The following ZNF519 variants were observed in gnomAD, a reference collection of about 807,000 sequenced individuals.
ZNF519 encodes similar to Zinc finger protein 85 (Zinc finger protein HPF4) (HTF1).
In ZNF519, 7 loss-of-function variants were observed where a neutral mutation model predicts 7.4. The observed-to-expected ratio is 0.94, with a 90% confidence interval of 0.54 to 1.77. The LOEUF (loss-of-function observed/expected upper bound fraction) is 1.77. Ranked by LOEUF, ZNF519 falls within the 40% of genes most tolerant of loss-of-function variation. The probability of loss-of-function intolerance (pLI) is 0.00; values close to 1 mark genes in which losing one functional copy is unlikely to be tolerated. For synonymous variants in ZNF519, 179 were observed against 203.3 expected (o/e 0.88, Z 1.02); for missense variants, 586 against 623.1 (o/e 0.94, Z 0.63).
chr18:14,107,676 G>A (rs1483530208), intron 2 of ZNF519, among the ~76,000 whole-genome samples: 5 of 152,056 alleles, frequency 3.3e-5, no homozygotes, highest in South Asian at 2.1e-4. Context: ...CTGGACCTGC[G>A]CTGAGACAAA....
exon 5 of ZNF519, chr18:14,077,075 C>G (rs2046050525): frequency 6.6e-6 from 1 of 152,172 alleles, no homozygotes. Context: ...AATAAAGCAG[C>G]TGGGAAATTA....
intron 1 of ZNF519, among the ~76,000 whole-genome samples, chr18:14,130,979 C>T (rs1390990357): frequency 1.3e-5 from 2 of 152,102 alleles, no homozygotes; most frequent in Non-Finnish European, 2.9e-5. Flanking sequence ...TCAGTGTGTC[C>T]TCTGGAAGAT....
intron 3 of ZNF519, among the ~76,000 whole-genome samples, chr18:14,081,194 T>C (rs1598506822): frequency 6.6e-6 from 1 of 152,186 alleles, no homozygotes; most frequent in African/African-American, 2.4e-5. Flanking sequence ...GACTCATCAA[T>C]TGTAAGAAAC....
chr18:14,113,516 A>G (rs2046231946), intron 2 of ZNF519, among the ~76,000 whole-genome samples: 1 of 152,182 alleles, frequency 6.6e-6, no homozygotes, highest in Non-Finnish European at 1.5e-5. Flanking sequence ...AGGCTGTGTC[A>G]TAGGTGTGCA....
rs934777798 is a variant in ZNF519 at position 14,100,168 on chromosome 18, T to C, written c.*4749A>G. On this transcript the variant is annotated 3_prime_UTR_variant, in exon 3 of 3. Coordinates refer to ENST00000590202, the MANE Select transcript of ZNF519 (RefSeq NM_145287.4). ...TAAAACAATGTGATATCAATACATA[T>C]CAGTCAGTATGGCTAAGAGGATTTG... 1 of 152,172 alleles carries C rather than the reference T, an allele frequency of 6.6e-6. No individual in the cohort carries two copies. Among genetic ancestry groups the C allele is most frequent in the African/African-American group, 2.4e-5 (1 of 41,420 alleles). 9.4% of individuals were successfully genotyped at this position (152,172 alleles called of 1,614,324 possible). A position where few individuals can be genotyped will look rare whatever the true frequency, so the allele number is the denominator to read the frequency against.
In ZNF519 at chr18:14,106,429, C is replaced by T. The variant is rs749127098; in HGVS notation, c.131-20G>A. On this transcript the variant is annotated intron_variant, in intron 2 of 2. Transcript: ENST00000590202. ...ACACAGCTGAAAGAAGTAAAAATAA[C>T]TAATTATTCTACATACTGATTTCAG... 3.3e-6 allele frequency: 5 copies of T among 1,537,810 alleles called. No individual in the cohort carries two copies. The South Asian group carries it at 5.1e-5, about 16-fold the overall frequency.
intron 2 of ZNF519, among the ~76,000 whole-genome samples, chr18:14,117,264 C>A (rs1034548470): frequency 2.6e-5 from 4 of 152,044 alleles, no homozygotes; most frequent in African/African-American, 7.2e-5. Context: ...ACATGATTAA[C>A]AAATGGACAA....
At chr18:14,110,872 A>G (rs1186457861) in intron 2 of ZNF519, among the ~76,000 whole-genome samples, 1 of 152,166 alleles carries the variant, frequency 6.6e-6, no homozygotes, top group African/African-American at 2.4e-5. Flanking sequence ...GTAATGTAAT[A>G]GACTTTGGGG....
At position 14,105,854 on chromosome 18, in the gene ZNF519, C is replaced by A. The variant is rs8094412; in HGVS notation, c.686G>T (p.Arg229Ile). Residue 229 changes from arginine to isoleucine, a missense_variant, in exon 3 of 3, where the codon AGA (arginine) becomes ATA (isoleucine). By Grantham distance (97) the Arg-to-Ile change is moderately conservative. Coordinates refer to ENST00000590202, the MANE Select transcript of ZNF519 (RefSeq NM_145287.4). Reference sequence around the variant, plus strand: ...TTGTGAGCTCTCTCCAATATAAATTCTTTGATGTTGAGTAAGCTTTGAGAA... The same window carrying A: ...TTGTGAGCTCTCTCCAATATAAATTATTTGATGTTGAGTAAGCTTTGAGAA... Reference protein sequence around the residue: ...DPFSKLTQHQRIYIGESSQRC... With the variant: ...DPFSKLTQHQIIYIGESSQRC... 234,895 of 1,601,260 alleles carry A rather than the reference C, an allele frequency of 0.15. 20,961 individuals are homozygous for A. The highest frequency in any genetic ancestry group is 0.47 in the East Asian group (21,000 of 44,754).
chr18:14,124,756 C>T (rs2143167272), intron 1 of ZNF519, among the ~76,000 whole-genome samples: 1 of 152,100 alleles, frequency 6.6e-6, no homozygotes, highest in African/African-American at 2.4e-5. Flanking sequence ...GTGAACTCAC[C>T]TCTCATTAAA....
In ZNF519 at chr18:14,105,644, T is replaced by G. The variant is rs1567947967; in HGVS notation, c.896A>C (p.Lys299Thr). 6.2e-7 allele frequency: 1 copy of G among 1,613,502 alleles called. No individual in the cohort carries two copies. ...AAGGTGTGAACTCTTGTTAAAGGCT[T>G]TGTCACATTTTTTACATTTGTAAGG... ...EKPYKCKKCD[K>T]AFNKSSHLAQ... The change falls in exon 3 of 3, where the codon AAA (lysine) becomes ACA (threonine). Residue 299 changes from lysine (K) to threonine (T), a missense_variant. Lys to Thr is a moderately conservative substitution (Grantham distance 78). Transcript: ENST00000590202.
At chr18:14,095,772 C>T (rs533690838), downstream of ZNF519, among the ~76,000 whole-genome samples, 19 of 152,340 alleles carry the variant, frequency 1.2e-4, no homozygotes, top group African/African-American at 3.8e-4. Flanking sequence ...TCTCTCCCTC[C>T]CTGCCAGTGG....
intron 2 of ZNF519, among the ~76,000 whole-genome samples, chr18:14,091,440 A>C (rs2046113892): frequency 6.6e-6 from 1 of 152,172 alleles, no homozygotes; most frequent in Admixed American, 6.5e-5. Flanking sequence ...CCAAGGATAC[A>C]CCATTATTAT....
At chr18:14,089,299 A>G (rs2046104544) in intron 2 of ZNF519, among the ~76,000 whole-genome samples, 1 of 152,232 alleles carries the variant, frequency 6.6e-6, no homozygotes, top group Admixed American at 6.5e-5. Context: ...ACCAAATTAA[A>G]GGATAAATAT....
At chr18:14,089,924 G>C (rs927220414) in intron 2 of ZNF519, 2 of 152,260 alleles carry the variant, frequency 1.3e-5, no homozygotes, top group Non-Finnish European at 2.9e-5. Flanking sequence ...GTTCCAGTAG[G>C]ATCCACGGTT....
chr18:14,085,491 T>C (rs1313770266), intron 2 of ZNF519, among the ~76,000 whole-genome samples: 3 of 151,776 alleles, frequency 2.0e-5, no homozygotes, highest in East Asian at 3.9e-4. Flanking sequence ...CCAGTGATCA[T>C]CTCCCCCACA....
At chr18:14,107,796 C>T (rs1010261754) in intron 2 of ZNF519, among the ~76,000 whole-genome samples, 1 of 152,102 alleles carries the variant, frequency 6.6e-6, no homozygotes, top group African/African-American at 2.4e-5. Flanking sequence ...TGGCGGTATT[C>T]CCCATGGGCC....
chr18:14,097,506 T>C (rs1160918291), downstream of ZNF519, among the ~76,000 whole-genome samples: 2 of 152,138 alleles, frequency 1.3e-5, no homozygotes, highest in Non-Finnish European at 2.9e-5. Context: ...AGTGGTCAAA[T>C]AACCTGGCGT....
At chr18:14,099,369 A>G (rs2046150256), downstream of ZNF519, among the ~76,000 whole-genome samples, 2 of 152,224 alleles carry the variant, frequency 1.3e-5, no homozygotes, top group Admixed American at 6.5e-5. Context: ...GGAAAGCATT[A>G]TAACTCATCT....
Sources: allele counts gnomAD v4.1 joint callset (sites outside exome capture counted in the v4.1 genomes callset), GRCh38; gene constraint gnomAD v4.1.1; transcripts MANE v1.5; gene names NCBI Gene and HGNC (gene_info 2026-07-23, HGNC 2026-07-21).